The following ATP2B4 variants were observed in gnomAD, a reference collection of about 807,000 sequenced individuals.
ATP2B4 encodes plasma membrane calcium-transporting ATPase 4.
ATP2B4 carries 39 observed loss-of-function variants against 110.3 expected under a neutral mutation model. The ratio of observed to expected loss-of-function variants is 0.35; its 90% CI spans 0.27 to 0.46. The LOEUF (loss-of-function observed/expected upper bound fraction) is 0.46. ATP2B4 is among the 20% of genes least tolerant of loss of function. The pLI, the probability that ATP2B4 is intolerant of heterozygous loss-of-function variation, is 1.00. For missense variants in ATP2B4, 1,135 were observed against 1,530.9 expected, an observed-to-expected ratio of 0.74 and a Z score of 4.32; for synonymous variants, 538 against 571.7, an observed-to-expected ratio of 0.94 and a Z score of 0.84.
chr1:203,670,453 A>G (rs2102343741), intron 1 of ATP2B4, among the ~76,000 whole-genome samples: 1 of 152,240 alleles, frequency 6.6e-6, no homozygotes, highest in East Asian at 1.9e-4. Context: ...TGTTGGGATT[A>G]CAGGCGTGAG....
At chr1:203,633,162 G>A (rs754453833) in intron 1 of ATP2B4, among the ~76,000 whole-genome samples, 6 of 152,202 alleles carry the variant, frequency 3.9e-5, no homozygotes, top group South Asian at 2.1e-4. Flanking sequence ...AGGGTCTCCC[G>A]CCAACCAGAG....
chr1:203,632,375 G>A (rs757099248), intron 1 of ATP2B4, among the ~76,000 whole-genome samples: 1 of 150,374 alleles, frequency 6.7e-6, no homozygotes, highest in Non-Finnish European at 1.5e-5. Context: ...ACAGAGTCTC[G>A]CTCTGTTGCC....
At chr1:203,659,976 G>A (rs1426852844) in intron 1 of ATP2B4, among the ~76,000 whole-genome samples, 1 of 151,950 alleles carries the variant, frequency 6.6e-6, no homozygotes. Context: ...CAGCTACTCG[G>A]GAGGCTGAGG....
intron 1 of ATP2B4, among the ~76,000 whole-genome samples, chr1:203,676,146 TCC>T (rs1383803867): frequency 6.6e-6 from 1 of 152,104 alleles, no homozygotes; most frequent in South Asian, 2.1e-4. Flanking sequence ...TGACAAGTGG[TCC>T]CACCCGCCAC....
chr1:203,653,708 C>A (rs1468136520), intron 1 of ATP2B4, among the ~76,000 whole-genome samples: 1 of 152,048 alleles, frequency 6.6e-6, no homozygotes, highest in East Asian at 1.9e-4. Context: ...AGGCACCCGC[C>A]ACCACGCCCT....
chr1:203,735,661 A>G (rs371065142), intron 20 of ATP2B4, among the ~76,000 whole-genome samples: 1 of 152,064 alleles, frequency 6.6e-6, no homozygotes, highest in Admixed American at 6.6e-5. Context: ...GATACATACA[A>G]TTTCTTTAGG....
chr1:203,720,609 T>A lies in ATP2B4; in HGVS notation c.2467T>A (p.Phe823Ile). The change falls in exon 16 of 21, where the codon TTC becomes ATC. Residue 823 changes from phenylalanine (F) to isoleucine (I), a missense_variant. By Grantham distance (21) the Phe-to-Ile change is conservative. This residue lies in a region of ATP2B4 where 70 missense variants were observed against 142.4 expected (regional missense o/e 0.49). Transcript: ENST00000357681. ...AGACATCATCCTAACAGATGACAAC[T>A]TCACCAGCATTGTGAAGGCAGTGAT... ...ASDIILTDDNFTSIVKAVMWG... is the reference protein window; with the variant it reads ...ASDIILTDDNITSIVKAVMWG... 1 of 1,613,962 alleles carries A rather than the reference T, an allele frequency of 6.2e-7. No homozygotes were observed. Among genetic ancestry groups the A allele is most frequent in the Non-Finnish European group, 8.5e-7 (1 of 1,179,884 alleles).
intron 1 of ATP2B4, among the ~76,000 whole-genome samples, chr1:203,659,822 G>A (rs1051343195): frequency 1.3e-5 from 2 of 151,986 alleles, no homozygotes; most frequent in South Asian, 4.2e-4. Context: ...GGTGGCTCAC[G>A]CCTGTAATTC....
chr1:203,695,676 G>A (rs1286292633), intron 2 of ATP2B4, among the ~76,000 whole-genome samples: 4 of 151,842 alleles, frequency 2.6e-5, no homozygotes, highest in Non-Finnish European at 5.9e-5. Context: ...AACTGCATAG[G>A]TGTGGATGCT....
Position 203,700,795 on chromosome 1 carries a change from T to C in ATP2B4, c.776-3T>C. The C allele has an allele frequency of 1.9e-6, 3 of 1,613,446 alleles. No homozygotes were observed. Among genetic ancestry groups the C allele is most frequent in the African/African-American group, 1.3e-5 (1 of 74,978 alleles). On this transcript the variant is annotated splice_polypyrimidine_tract_variant and splice_region_variant and intron_variant, in intron 5 of 20. Coordinates refer to ENST00000357681, the MANE Select transcript of ATP2B4 (RefSeq NM_001684.5). Reference sequence around the variant, plus strand: ...CCTTCCCATCTTCTCCTTTCCCGTGTAGGGACCCATGTCATGGAAGGTTCT... The same window carrying C: ...CCTTCCCATCTTCTCCTTTCCCGTGCAGGGACCCATGTCATGGAAGGTTCT...
Position 203,699,653 on chromosome 1 carries a change from C to A in ATP2B4, c.585C>A (p.Asn195Lys), listed in dbSNP as rs149951732. 6.2e-7 allele frequency: 1 copy of A among 1,614,048 alleles called. No homozygotes were observed. Among genetic ancestry groups the A allele is most frequent in the East Asian group, 2.2e-5 (1 of 44,896 alleles). Residue 195 changes from asparagine (N) to lysine (K), a missense_variant, in exon 4 of 21, where the codon AAC becomes AAA. This residue lies in a region of ATP2B4 where 101 missense variants were observed against 182.6 expected (regional missense o/e 0.55). Transcript: ENST00000357681. ...AGCAAAAGTTCTCCATCATCCGAAACGGTCAACTCATCCAGCTCCCTGTGG... is the reference window on the plus strand; with the variant it reads ...AGCAAAAGTTCTCCATCATCCGAAAAGGTCAACTCATCCAGCTCCCTGTGG... ...EQEQKFSIIRNGQLIQLPVAE... is the reference protein window; with the variant it reads ...EQEQKFSIIRKGQLIQLPVAE...
rs1422883435 is a variant in ATP2B4 at position 203,700,859 on chromosome 1, G to T, written c.837G>T (p.Gln279His). ...MVVTAVGVNSQTGIILTLLGV... is the reference protein window; with the variant it reads ...MVVTAVGVNSHTGIILTLLGV... The stretch of plus-strand genomic sequence containing the variant: ...TGACAGCTGTTGGTGTCAACTCTCA[G>T]ACTGGAATCATCCTTACTCTCTTGG... Residue 279 changes from glutamine to histidine, a missense_variant, in exon 6 of 21, where the codon CAG (glutamine) becomes CAT (histidine). Coordinates refer to ENST00000357681, the MANE Select transcript of ATP2B4 (RefSeq NM_001684.5). 1.2e-6 allele frequency: 2 copies of T among 1,613,778 alleles called. No individual in the cohort carries two copies. The highest frequency in any genetic ancestry group is 1.7e-6 in the Non-Finnish European group (2 of 1,179,858).
intron 1 of ATP2B4, among the ~76,000 whole-genome samples, chr1:203,670,618 T>C (rs1321818634): frequency 6.6e-6 from 1 of 152,240 alleles, no homozygotes; most frequent in African/African-American, 2.4e-5. Context: ...CACCTCTCCC[T>C]TCTCCCTTCC....
chr1:203,735,937 G>T (rs1034659159), intron 20 of ATP2B4, among the ~76,000 whole-genome samples: 1 of 152,282 alleles, frequency 6.6e-6, no homozygotes, highest in Middle Eastern at 3.4e-3. Context: ...CTGGTAGAGG[G>T]TGTGCTCCAA....
chr1:203,694,508 G>A (rs1173969188), intron 2 of ATP2B4, among the ~76,000 whole-genome samples: 1 of 152,202 alleles, frequency 6.6e-6, no homozygotes. Context: ...CTTGTGCAGA[G>A]GCCCTGATGT....
chr1:203,734,736 G>A (rs1443137022), intron 20 of ATP2B4, among the ~76,000 whole-genome samples: 1 of 150,408 alleles, frequency 6.6e-6, no homozygotes, highest in African/African-American at 2.5e-5. Flanking sequence ...CAGGCACAGT[G>A]GTTCACGCCT....
At chr1:203,689,319 T>C (rs992450821) in intron 2 of ATP2B4, among the ~76,000 whole-genome samples, 1 of 152,242 alleles carries the variant, frequency 6.6e-6, no homozygotes, top group Non-Finnish European at 1.5e-5. Flanking sequence ...ATACGTGTTC[T>C]TTTTTCCCTG....
intron 8 of ATP2B4, among the ~76,000 whole-genome samples, chr1:203,705,187 C>G (rs151237526): frequency 6.6e-6 from 1 of 152,206 alleles, no homozygotes; most frequent in Non-Finnish European, 1.5e-5. Context: ...ACTTCTTAAG[C>G]GTCACAGAAA....
Position 203,714,184 on chromosome 1 carries a change from C to G in ATP2B4, c.2313C>G (p.Ser771Arg). Residue 771 changes from serine (S) to arginine (R), a missense_variant, in exon 15 of 21, where the codon AGC (serine) becomes AGG (arginine). By Grantham distance (110) the Ser-to-Arg change is moderately radical. Around this residue, in one of 9 missense-constraint regions of ATP2B4, gnomAD observed 368 missense variants for 455.9 expected, o/e 0.81. Coordinates refer to ENST00000357681, the MANE Select transcript of ATP2B4 (RefSeq NM_001684.5). Reference protein sequence around the residue: ...KHTLVKGIIDSTVGEHRQVVA... With the variant: ...KHTLVKGIIDRTVGEHRQVVA... The stretch of plus-strand genomic sequence containing the variant: ...TGTTTCTCCCAGGCATAATTGACAG[C>G]ACTGTTGGGGAACACCGGCAGGTCG... 1 of 1,614,136 alleles carries G rather than the reference C, an allele frequency of 6.2e-7. No individual in the cohort carries two copies. Among genetic ancestry groups the G allele is most frequent in the East Asian group, 2.2e-5 (1 of 44,886 alleles).
Sources: gnomAD v4.1 joint callset for allele counts (sites outside exome capture counted in the v4.1 genomes callset) on GRCh38, gnomAD v4.1.1 for gene constraint, gnomAD v4.1.1 regional missense constraint, MANE v1.5 for transcripts, NCBI Gene and HGNC (gene_info 2026-07-23, HGNC 2026-07-21) for gene names.